The following PHC2 variants were observed in gnomAD, a reference collection of about 807,000 sequenced individuals.
The protein encoded by PHC2 is polyhomeotic homolog 2.
A neutral mutation model predicts 87.4 loss-of-function variants in PHC2; 29 were observed. The ratio of observed to expected loss-of-function variants is 0.33; its 90% CI spans 0.25 to 0.45. The LOEUF (loss-of-function observed/expected upper bound fraction) is 0.45. Among genes scored for constraint, PHC2 ranks in the 20% least tolerant of loss-of-function variants. The pLI is 1.00. For synonymous variants in PHC2, 438 were observed against 461.7 expected (o/e 0.95, Z 0.66); for missense variants, 857 against 1,136.7 (o/e 0.75, Z 3.54).
intron 1 of PHC2, among the ~76,000 whole-genome samples, chr1:33,383,022 C>T (rs1030563757): frequency 5.9e-5 from 9 of 152,142 alleles, no homozygotes; most frequent in Non-Finnish European, 1.0e-4. Flanking sequence ...TATCATGAGG[C>T]GGCTTGGTAT....
chr1:33,428,415 C>T lies in PHC2; in HGVS notation c.-55+2561G>A, dbSNP rs148215142. 3.8e-4 allele frequency among the ~76,000 whole-genome samples: 58 copies of T among 152,304 alleles called. No homozygotes were observed. In the East Asian group the frequency reaches 0.01, roughly 27 times the overall value. The stretch of plus-strand genomic sequence containing the variant: ...TCACCCCAGTGACACCTTCTTTACA[C>T]GACTTGATCTGTAATATAATTCAAA... On this transcript the variant is annotated intron_variant, in intron 1 of 14. Coordinates refer to ENST00000683057, the MANE Select transcript of PHC2 (RefSeq NM_001385109.1).
At chr1:33,328,827 T>C (rs746981006) in intron 14 of PHC2, 43 bp downstream of exon 14, 4 of 1,558,728 alleles carry the variant, frequency 2.6e-6, no homozygotes, top group African/African-American at 1.4e-5. Context: ...ATTTTCTCTT[T>C]CCTTGCTATT....
rs1188551406 is a variant in PHC2 at position 33,364,425 on chromosome 1, C to T, written c.976+2691G>A. On this transcript the variant is annotated intron_variant, in intron 7 of 14. Transcript: ENST00000683057. This position sits in a 1 kb window ranked among gnomAD's most constrained non-coding sequence, Gnocchi z 4.1. ...ACACACACACACACACACACACACACGCTCAAGCACGCTCTTCTCTCCTGC... is the reference window on the plus strand; with the variant it reads ...ACACACACACACACACACACACACATGCTCAAGCACGCTCTTCTCTCCTGC... Among the ~76,000 whole-genome samples the T allele has an allele frequency of 6.6e-6, 1 of 151,980 alleles. No individual in the cohort carries two copies. Among genetic ancestry groups the T allele is most frequent in the African/African-American group, 2.4e-5 (1 of 41,394 alleles).
chr1:33,374,801 C>T (rs914034662), intron 2 of PHC2, among the ~76,000 whole-genome samples: 3 of 152,174 alleles, frequency 2.0e-5, no homozygotes, highest in Non-Finnish European at 4.4e-5. Context: ...CCCCAGTTTT[C>T]TCAACTACAG....
rs773875398 is a variant in PHC2, at chr1:33,349,265, C to A, written c.1558+5136G>T. The A allele has an allele frequency of 4.8e-5, 47 of 985,208 alleles. No individual in the cohort carries two copies. Among genetic ancestry groups the A allele is most frequent in the Non-Finnish European group, 5.5e-5 (46 of 829,916 alleles). The allele number at this position is 985,208 out of a possible 1,614,324, so 61.0% of individuals were successfully genotyped here. On this transcript the variant is annotated intron_variant, in intron 9 of 14. Transcript: ENST00000683057. The surrounding 1 kb of genome is among the most constrained non-coding windows in gnomAD (Gnocchi z 4.2). ...CCAGCAGTCTCGTCCCCGAACGCAC[C>A]GTCCGTCCCAGGGAAGTCGCAGCGG...
At chr1:33,366,315 T>C (rs146496882) in intron 7 of PHC2, among the ~76,000 whole-genome samples, 1 of 152,332 alleles carries the variant, frequency 6.6e-6, no homozygotes, top group African/African-American at 2.4e-5. Context: ...CCTAGATCGA[T>C]AGGCCTGGCT....
intron 1 of PHC2, among the ~76,000 whole-genome samples, chr1:33,413,067 A>T (rs900765562): frequency 1.3e-5 from 2 of 152,164 alleles, no homozygotes; most frequent in Non-Finnish European, 2.9e-5. Flanking sequence ...CCAGGGTTCA[A>T]GTGATTCTCC....
Position 33,329,159 on chromosome 1 carries a change from A to G in PHC2, c.2149-13T>C. The G allele has an allele frequency of 2.5e-6, 4 of 1,606,574 alleles. No individual in the cohort carries two copies. Among genetic ancestry groups the G allele is most frequent in the Non-Finnish European group, 3.4e-6 (4 of 1,174,850 alleles). The stretch of plus-strand genomic sequence containing the variant: ...CAGTGCCTGTTGGCTGGGAGCAGAG[A>G]GTTTTCTTCAGGATGGGGGAACAAA... On this transcript the variant is annotated splice_polypyrimidine_tract_variant and intron_variant, in intron 13 of 14. Transcript: ENST00000683057.
Position 33,332,394 on chromosome 1 carries a change from G to A in PHC2, c.1772C>T (p.Ser591Leu), listed in dbSNP as rs535258974. 2.5e-6 allele frequency: 4 copies of A among 1,614,126 alleles called. No homozygotes were observed. The highest frequency in any genetic ancestry group is 1.1e-5 in the South Asian group (1 of 91,070). The change falls in exon 11 of 15, where the codon TCG (serine) becomes TTG (leucine). Residue 591 changes from serine to leucine, a missense_variant. Transcript: ENST00000683057. The surrounding 1 kb of genome is among the most constrained non-coding windows in gnomAD (Gnocchi z 4.2). The part of the protein sequence containing the change: ...EGAEPFPVGR[S>L]SLLVGNLKKK... The stretch of plus-strand genomic sequence containing the variant: ...CTTGAGATTCCCCACCAGCAGGGAC[G>A]AGCGTCCCACCTAGAGGACAGGTAA...
intron 1 of PHC2, among the ~76,000 whole-genome samples, chr1:33,408,115 T>A (rs1649836364): frequency 6.6e-6 from 1 of 152,202 alleles, no homozygotes; most frequent in African/African-American, 2.4e-5. Flanking sequence ...AATTTATTTC[T>A]CTCAGTTTTT....
At chr1:33,346,575 G>C (rs1257144367) in intron 9 of PHC2, 1 of 985,096 alleles carries the variant, frequency 1.0e-6, no homozygotes, top group African/African-American at 1.7e-5. Flanking sequence ...CAAGAAGAGG[G>C]AAAAACTCTT....
At chr1:33,386,548 T>C (rs1648764157) in intron 1 of PHC2, among the ~76,000 whole-genome samples, 1 of 151,888 alleles carries the variant, frequency 6.6e-6, no homozygotes, top group South Asian at 2.1e-4. Context: ...AAAAATCTTT[T>C]CAAGCTGGGT....
chr1:33,361,450 C>T (rs1299713336), intron 7 of PHC2, among the ~76,000 whole-genome samples: 2 of 152,220 alleles, frequency 1.3e-5, no homozygotes, highest in East Asian at 1.9e-4. Context: ...AAGCAATTCT[C>T]CTGCCTCAGC....
In PHC2 at chr1:33,329,011, G is replaced by A. The variant is rs766062595; in HGVS notation, c.2284C>T (p.Arg762Cys). The A allele has an allele frequency of 3.1e-6, 5 of 1,614,110 alleles. No individual in the cohort carries two copies. Among genetic ancestry groups the A allele is most frequent in the East Asian group, 2.2e-5 (1 of 44,902 alleles). The change falls in exon 14 of 15, where the codon CGC (arginine) becomes TGC (cysteine). Residue 762 changes from arginine (R) to cysteine (C), a missense_variant. Around this residue, in one of 3 missense-constraint regions of PHC2, gnomAD observed 832 missense variants for 1,081.8 expected, o/e 0.77. Coordinates refer to ENST00000683057, the MANE Select transcript of PHC2 (RefSeq NM_001385109.1). ...AGGTCCCGCTGGCCTTGTCGCCGGCGGGAAGTAGATGAGCTGGCTGAGATG... is the reference window on the plus strand; with the variant it reads ...AGGTCCCGCTGGCCTTGTCGCCGGCAGGAAGTAGATGAGCTGGCTGAGATG... ...SPISASSSTS[R>C]RRQGQRDLEL...
At position 33,331,332 on chromosome 1, in the gene PHC2, G is replaced by C. The variant is rs1290954778; in HGVS notation, c.2006+16C>G. The C allele has an allele frequency of 7.1e-7, 1 of 1,405,908 alleles. No homozygotes were observed. Among genetic ancestry groups the C allele is most frequent in the Non-Finnish European group, 1.0e-6 (1 of 991,404 alleles). 87.1% of individuals were successfully genotyped at this position (1,405,908 alleles called of 1,614,324 possible). A position where few individuals can be genotyped will look rare whatever the true frequency, so the allele number is the denominator to read the frequency against. On this transcript the variant is annotated intron_variant, in intron 12 of 14. Transcript: ENST00000683057. This position sits in a 1 kb window ranked among gnomAD's most constrained non-coding sequence, Gnocchi z 5.2. ...AGTGCAGTCCTGGGGAAATGGAGGG[G>C]GCTGGGGCCACTCACCTCTTTGCAC...
At position 33,327,309 on chromosome 1, in the gene PHC2, C is replaced by T. The variant is rs1006864518; in HGVS notation, c.2425+1561G>A. ...TCTCAGATCTTCAGACTGAGAGGACCTATACTTGAAGAACTGGACCCCAGG... is the reference window on the plus strand; with the variant it reads ...TCTCAGATCTTCAGACTGAGAGGACTTATACTTGAAGAACTGGACCCCAGG... On this transcript the variant is annotated intron_variant, in intron 14 of 14. Transcript: ENST00000683057. Among the ~76,000 whole-genome samples the T allele has an allele frequency of 2.6e-5, 4 of 152,176 alleles. No homozygotes were observed. The East Asian group carries it at 7.7e-4, about 29-fold the overall frequency.
At chr1:33,345,482 T>C in intron 9 of PHC2, 1 of 906,584 alleles carries the variant, frequency 1.1e-6, no homozygotes, top group South Asian at 5.1e-5. Context: ...TCACTAACTA[T>C]AAAAATAATT....
intron 9 of PHC2, among the ~76,000 whole-genome samples, chr1:33,354,061 G>A (rs886309505): frequency 4.6e-5 from 7 of 152,168 alleles, no homozygotes; most frequent in African/African-American, 1.7e-4. Flanking sequence ...TCATACCAAA[G>A]GAAGCAGAGA....
chr1:33,376,490 C>A (rs1648191073), intron 1 of PHC2, among the ~76,000 whole-genome samples: 1 of 152,234 alleles, frequency 6.6e-6, no homozygotes, highest in South Asian at 2.1e-4. Flanking sequence ...AGGCAGACTT[C>A]CTATAACGTT....
Sources: gnomAD v4.1 joint callset for allele counts (sites outside exome capture counted in the v4.1 genomes callset) on GRCh38, gnomAD v4.1.1 for gene constraint, gnomAD v4.1.1 regional missense constraint, Gnocchi (gnomAD v3.1) non-coding constraint, MANE v1.5 for transcripts, NCBI Gene and HGNC (gene_info 2026-07-23, HGNC 2026-07-21) for gene names.